ECE1: variants seen among roughly 807,000 people sequenced by gnomAD.
The protein encoded by ECE1 is endothelin converting enzyme 1.
In ECE1, 35 loss-of-function variants were observed where a neutral mutation model predicts 98.6. The ratio of observed to expected loss-of-function variants is 0.35; its 90% CI spans 0.27 to 0.47. ECE1 has a LOEUF of 0.47. Ranked by LOEUF, ECE1 falls within the 20% of genes least tolerant of loss-of-function variation. ECE1 has a pLI of 1.00. For missense variants in ECE1, 814 were observed against 1,025.3 expected (o/e 0.79, Z 2.81); for synonymous variants, 394 against 407.1 (o/e 0.97, Z 0.39).
At chr1:21,268,005 G>T (rs551681356) in intron 4 of ECE1, among the ~76,000 whole-genome samples, 1 of 152,322 alleles carries the variant, frequency 6.6e-6, no homozygotes, top group East Asian at 1.9e-4. Flanking sequence ...TGCTTGAATT[G>T]TCACAATGAG....
intron 3 of ECE1, among the ~76,000 whole-genome samples, chr1:21,276,344 T>C (rs890036095): frequency 6.6e-6 from 1 of 151,840 alleles, no homozygotes; most frequent in African/African-American, 2.4e-5. Context: ...TGTTTTTGAA[T>C]GAACAACCGA....
At chr1:21,247,630 AGCGTC>A (rs1281832816) in intron 8 of ECE1, among the ~76,000 whole-genome samples, 1 of 152,186 alleles carries the variant, frequency 6.6e-6, no homozygotes, top group Non-Finnish European at 1.5e-5. Flanking sequence ...CCATTCAGCA[AGCGTC>A]TCCTGTGTGC....
rs1639117445 is a variant in ECE1 at position 21,327,877 on chromosome 1, C to T, written c.3+17499G>A. On this transcript the variant is annotated intron_variant, in intron 1 of 18. Transcript: ENST00000415912. The surrounding 1 kb of genome is among the most constrained non-coding windows in gnomAD (Gnocchi z 4.6). Reference sequence around the variant, plus strand: ...CATTAGATTCTCGTAGGAGCGCGAACCCTATTGTGAACTGCACGTGCGAGG... The same window carrying T: ...CATTAGATTCTCGTAGGAGCGCGAATCCTATTGTGAACTGCACGTGCGAGG... Among the ~76,000 whole-genome samples, 1 of 152,186 alleles carries T rather than the reference C, an allele frequency of 6.6e-6. No homozygotes were observed.
In ECE1 at chr1:21,281,117, G is replaced by C. The variant is rs146057107; in HGVS notation, c.139-1785C>G. On this transcript the variant is annotated intron_variant, in intron 2 of 18. Transcript: ENST00000374893. The stretch of plus-strand genomic sequence containing the variant: ...AGGCAGGAGAATCGCTTGAACCCGG[G>C]AGGCGGAGGTTGCAGTGAGCTGAGA... Among the ~76,000 whole-genome samples, 685 of 152,320 alleles carry C rather than the reference G, an allele frequency of 4.5e-3. 4 individuals are homozygous for C. The highest frequency in any genetic ancestry group is 0.015 in the African/African-American group (635 of 41,564).
At chr1:21,268,989 C>T (rs2098237224) in intron 4 of ECE1, among the ~76,000 whole-genome samples, 1 of 152,230 alleles carries the variant, frequency 6.6e-6, no homozygotes, top group African/African-American at 2.4e-5. Context: ...GTCAGTATGA[C>T]ATGGGGGTGA....
intron 10 of ECE1, among the ~76,000 whole-genome samples, chr1:21,239,769 A>G (rs1429367251): frequency 6.6e-6 from 1 of 151,588 alleles, no homozygotes; most frequent in Non-Finnish European, 1.5e-5. Context: ...AAAATTTTTT[A>G]TACATTTTTT....
In ECE1 at chr1:21,290,274, C is replaced by G. The variant is rs935730851; in HGVS notation, c.51+90G>C. 2.3e-6 allele frequency: 3 copies of G among 1,304,784 alleles called. No homozygotes were observed. In the African/African-American group the frequency reaches 4.6e-5, roughly 20 times the overall value. 80.8% of individuals were successfully genotyped at this position (1,304,784 alleles called of 1,614,324 possible). On this transcript the variant is annotated intron_variant, in intron 1 of 18. Transcript: ENST00000374893. This position sits in a 1 kb window ranked among gnomAD's most constrained non-coding sequence, Gnocchi z 7.3. The stretch of plus-strand genomic sequence containing the variant: ...CCGCGCCCCGCCCCGGCCTGGACAC[C>G]CGAGACCGAGACCGGCCCACGGAGC...
intron 8 of ECE1, among the ~76,000 whole-genome samples, chr1:21,253,867 G>A (rs4654912): frequency 0.21 from 31,351 of 149,936 alleles, 3,909 homozygotes; most frequent in East Asian, 0.46. Context: ...TCAGGAGTTC[G>A]AGACCAGCCT....
intron 8 of ECE1, among the ~76,000 whole-genome samples, chr1:21,254,328 G>A (rs905078022): frequency 3.9e-5 from 6 of 152,160 alleles, no homozygotes; most frequent in African/African-American, 1.4e-4. Context: ...GGTGGCTCAT[G>A]CTTATAATCC....
intron 12 of ECE1, 136 bp downstream of exon 12, chr1:21,236,610 T>C (rs956077597): frequency 2.3e-5 from 19 of 843,016 alleles, no homozygotes; most frequent in Admixed American, 9.8e-5. Context: ...GATCGCACCA[T>C]AGCACTCCAG....
intron 8 of ECE1, among the ~76,000 whole-genome samples, chr1:21,253,484 C>T (rs887114279): frequency 8.6e-5 from 13 of 150,472 alleles, no homozygotes; most frequent in Non-Finnish European, 1.5e-4. Flanking sequence ...AACCACAGGC[C>T]GGGCGCGGTG....
chr1:21,272,270 T>C (rs1385083981), intron 4 of ECE1, among the ~76,000 whole-genome samples: 1 of 152,200 alleles, frequency 6.6e-6, no homozygotes, highest in East Asian at 1.9e-4. Flanking sequence ...CCCAAGTCTA[T>C]GGTCTTCCAT....
At chr1:21,291,864 G>A (rs1181314520), upstream of ECE1, among the ~76,000 whole-genome samples, 1 of 151,776 alleles carries the variant, frequency 6.6e-6, no homozygotes, top group Non-Finnish European at 1.5e-5. Context: ...GGGTTCAGTG[G>A]TTCACACCTG....
intron 1 of ECE1, among the ~76,000 whole-genome samples, chr1:21,309,056 G>T (rs968498433): frequency 1.3e-5 from 2 of 152,218 alleles, no homozygotes; most frequent in Non-Finnish European, 2.9e-5. Flanking sequence ...CTGGAACTGG[G>T]CCAGGACAGC....
At chr1:21,238,361 G>T in intron 10 of ECE1, 117 bp from the exon 11 acceptor site, 1 of 819,648 alleles carries the variant, frequency 1.2e-6, no homozygotes. Context: ...TTCAGGGAGA[G>T]CTTTCCGACC....
intron 1 of ECE1, among the ~76,000 whole-genome samples, chr1:21,331,503 G>A (rs1408589716): frequency 6.6e-6 from 1 of 152,032 alleles, no homozygotes; most frequent in African/African-American, 2.4e-5. Flanking sequence ...GATCGCTTGA[G>A]TCTGGGAGGT....
chr1:21,317,654 C>A (rs551975579), intron 1 of ECE1, among the ~76,000 whole-genome samples: 1 of 152,344 alleles, frequency 6.6e-6, no homozygotes, highest in African/African-American at 2.4e-5. Context: ...GCCACACCCT[C>A]CCCTCTGTGA....
intron 4 of ECE1, among the ~76,000 whole-genome samples, chr1:21,263,195 C>T (rs566064021): frequency 6.6e-6 from 1 of 152,218 alleles, no homozygotes; most frequent in South Asian, 2.1e-4. Context: ...CTTAGTGGTC[C>T]CTGCAGCCCC....
intron 1 of ECE1, among the ~76,000 whole-genome samples, chr1:21,334,291 C>G (rs893001466): frequency 1.3e-5 from 2 of 152,256 alleles, no homozygotes; most frequent in Non-Finnish European, 2.9e-5. Context: ...CTCTCATGCC[C>G]TCCTCTCTCT....
Sources: gnomAD v4.1 joint callset for allele counts (sites outside exome capture counted in the v4.1 genomes callset) on GRCh38, gnomAD v4.1.1 for gene constraint, Gnocchi (gnomAD v3.1) non-coding constraint, MANE v1.5 for transcripts, NCBI Gene and HGNC (gene_info 2026-07-23, HGNC 2026-07-21) for gene names.